The following SFTPC variants were observed in gnomAD, a reference collection of about 807,000 sequenced individuals.
SFTPC encodes surfactant protein C, also known as BRICHOS domain containing 6.
In SFTPC, 12 loss-of-function variants were observed where a neutral mutation model predicts 19.9. The ratio of observed to expected loss-of-function variants is 0.60; its 90% CI spans 0.39 to 0.98. The LOEUF is 0.98. Among genes scored for constraint, SFTPC ranks in the 50% least tolerant of loss-of-function variants. SFTPC has a pLI of 0.00. For missense variants in SFTPC, 219 were observed against 252.2 expected (o/e 0.87, Z 0.89); for synonymous variants, 123 against 103.3 (o/e 1.19, Z -1.16).
chr8:22,161,681 C>T, upstream of SFTPC: 1 of 1,603,626 alleles, frequency 6.2e-7, no homozygotes, highest in Non-Finnish European at 8.5e-7. Flanking sequence ...TTCTGGAGGG[C>T]CAGGAACAAA....
upstream of SFTPC, among the ~76,000 whole-genome samples, chr8:22,161,409 G>C (rs972452169): frequency 6.6e-6 from 1 of 152,296 alleles, no homozygotes; most frequent in Non-Finnish European, 1.5e-5. Context: ...TAGAAATTCT[G>C]CTGGGAAATA....
upstream of SFTPC, chr8:22,159,873 T>A (rs776539836): frequency 7.9e-7 from 1 of 1,269,050 alleles, no homozygotes; most frequent in South Asian, 1.2e-5. Context: ...AGCCGATCAA[T>A]CCCAATGTTG....
intron 2 of SFTPC, 81 bp from the exon 3 acceptor site, chr8:22,162,999 A>G: frequency 1.4e-5 from 22 of 1,587,960 alleles, no homozygotes; most frequent in Non-Finnish European, 1.9e-5. Flanking sequence ...GCATTTGAGT[A>G]CAGAGGCCTG....
At chr8:22,160,759 G>C (rs1295008880), upstream of SFTPC, among the ~76,000 whole-genome samples, 1 of 152,196 alleles carries the variant, frequency 6.6e-6, no homozygotes, top group African/African-American at 2.4e-5. Context: ...TGAGAGAAAG[G>C]GTGAGCCAGC....
chr8:22,159,917 G>A (rs1228262410), upstream of SFTPC: 3 of 1,065,420 alleles, frequency 2.8e-6, no homozygotes, highest in Non-Finnish European at 3.8e-6. Context: ...AGGGCCCTGG[G>A]GGAGGGCAGG....
At chr8:22,159,281 T>C (rs1158708007), upstream of SFTPC, among the ~76,000 whole-genome samples, 1 of 152,214 alleles carries the variant, frequency 6.6e-6, no homozygotes, top group Non-Finnish European at 1.5e-5. Context: ...AGTGAGACCC[T>C]GTCTCTAAAT....
upstream of SFTPC, chr8:22,159,419 G>A: frequency 3.4e-6 from 1 of 298,454 alleles, no homozygotes; most frequent in South Asian, 2.7e-5. Flanking sequence ...GCTGGTAGGG[G>A]GAGGGGGAAA....
chr8:22,164,138 G>T, intron 5 of SFTPC, 79 bp downstream of exon 5: 1 of 1,581,204 alleles, frequency 6.3e-7, no homozygotes, highest in South Asian at 1.1e-5. Flanking sequence ...CGCTCGCGCT[G>T]ACCAGGCGCT....
chr8:22,164,062 G>A lies in SFTPC; in HGVS notation c.*18+3G>A, dbSNP rs1827921071. 1 of 1,611,710 alleles carries A rather than the reference G, an allele frequency of 6.2e-7. No individual in the cohort carries two copies. The highest frequency in any genetic ancestry group is 8.5e-7 in the Non-Finnish European group (1 of 1,179,984). Reference sequence around the variant, plus strand: ...TCTAGGACGCCTCCGGTGAGCAGGTGTGATCCCAGGGCCCCTGATCAGCAG... The same window carrying A: ...TCTAGGACGCCTCCGGTGAGCAGGTATGATCCCAGGGCCCCTGATCAGCAG... On this transcript the variant is annotated splice_donor_region_variant and intron_variant, in intron 5 of 5. Coordinates refer to ENST00000679463, the MANE Select transcript of SFTPC (RefSeq NM_001317778.2).
rs12229 is a variant in SFTPC at position 22,164,057 on chromosome 8, C to G, written c.*16C>G. ...CTACATCTAGGACGCCTCCGGTGAG[C>G]AGGTGTGATCCCAGGGCCCCTGATC... On this transcript the variant is annotated splice_region_variant and 3_prime_UTR_variant, in exon 5 of 6. Transcript: ENST00000679463. 43 of 1,611,630 alleles carry G rather than the reference C, an allele frequency of 2.7e-5. No homozygotes were observed. The highest frequency in any genetic ancestry group is 3.6e-5 in the Non-Finnish European group (43 of 1,180,006).
In SFTPC at chr8:22,163,087, A is replaced by G; in HGVS notation, c.209A>G (p.Glu70Gly). 1 of 1,614,126 alleles carries G rather than the reference A, an allele frequency of 6.2e-7. No individual in the cohort carries two copies. The highest frequency in any genetic ancestry group is 8.5e-7 in the Non-Finnish European group (1 of 1,180,006). ...TCCATGCCCTTTCCCCAGGTTCTGG[A>G]GATGAGCATTGGGGCGCCGGAAGCC... Reference protein sequence around the residue: ...MSQKHTEMVLEMSIGAPEAQQ... With the variant: ...MSQKHTEMVLGMSIGAPEAQQ... Residue 70 changes from glutamate to glycine, a missense_variant, in exon 3 of 6, where the codon GAG (glutamate) becomes GGG (glycine). Coordinates refer to ENST00000679463, the MANE Select transcript of SFTPC (RefSeq NM_001317778.2).
rs1178465970 is a variant in SFTPC, at chr8:22,162,636, C to T, written c.105C>T (p.Arg35=). The T allele has an allele frequency of 6.2e-7, 1 of 1,614,108 alleles. No homozygotes were observed. The highest frequency in any genetic ancestry group is 2.2e-5 in the East Asian group (1 of 44,900). ...GIPCCPVHLK[R]LLIVVVVVVL... is the part of the protein sequence containing the mutation. Reference sequence around the variant, plus strand: ...CCTGCTGCCCAGTGCACCTGAAACGCCTTCTTATCGTGGTGGTGGTGGTGG... The same window carrying T: ...CCTGCTGCCCAGTGCACCTGAAACGTCTTCTTATCGTGGTGGTGGTGGTGG... Residue 35 remains arginine, a synonymous_variant, in exon 2 of 6, where the codon CGC becomes CGT. Transcript: ENST00000679463.
chr8:22,164,295 A>C lies in SFTPC; in HGVS notation c.*48A>C. The C allele has an allele frequency of 6.5e-7, 1 of 1,536,192 alleles. No individual in the cohort carries two copies. Among genetic ancestry groups the C allele is most frequent in the Non-Finnish European group, 8.7e-7 (1 of 1,146,918 alleles). On this transcript the variant is annotated 3_prime_UTR_variant, in exon 6 of 6. Transcript: ENST00000679463. ...AGTGGAAGCCCCAACGGGAAAGGAAACGCCCCGGGCAAAGGGTCTTTTGCA... is the reference window on the plus strand; with the variant it reads ...AGTGGAAGCCCCAACGGGAAAGGAACCGCCCCGGGCAAAGGGTCTTTTGCA...
upstream of SFTPC, chr8:22,159,888 G>A (rs1218543396): frequency 6.2e-6 from 7 of 1,138,128 alleles, no homozygotes; most frequent in African/African-American, 6.3e-5. Context: ...ATGTTGCCAG[G>A]ATGATGGGGG....
rs1392942992 is a variant in SFTPC at position 22,162,752 on chromosome 8, C to G, written c.201+20C>G. 6.2e-7 allele frequency: 1 copy of G among 1,613,796 alleles called. No homozygotes were observed. Among genetic ancestry groups the G allele is most frequent in the Non-Finnish European group, 8.5e-7 (1 of 1,179,876 alleles). On this transcript the variant is annotated intron_variant, in intron 2 of 5. Transcript: ENST00000679463. ...GAGATGGTGAGAGGTGTGGGATGCA[C>G]AGCAGTGGGCACAGGACATGCCAGA...
rs934921398 is a variant in SFTPC, at chr8:22,162,643, A to G, written c.112A>G (p.Ile38Val). Reference protein sequence around the residue: ...CCPVHLKRLLIVVVVVVLIVV... With the variant: ...CCPVHLKRLLVVVVVVVLIVV... ...CCCAGTGCACCTGAAACGCCTTCTT[A>G]TCGTGGTGGTGGTGGTGGTCCTCAT... Residue 38 changes from isoleucine to valine, a missense_variant, in exon 2 of 6, where the codon ATC becomes GTC. By Grantham distance (29) the Ile-to-Val change is conservative. Coordinates refer to ENST00000679463, the MANE Select transcript of SFTPC (RefSeq NM_001317778.2). 2 of 1,613,894 alleles carry G rather than the reference A, an allele frequency of 1.2e-6. No homozygotes were observed. The highest frequency in any genetic ancestry group is 2.2e-5 in the East Asian group (1 of 44,870).
intron 1 of SFTPC, 142 bp downstream of exon 1, chr8:22,162,012 G>C: frequency 1.1e-6 from 1 of 911,258 alleles, no homozygotes; most frequent in South Asian, 1.4e-5. Flanking sequence ...GTCAGGATGG[G>C]GACACCAAGA....
chr8:22,161,346 G>C (rs1827709362), upstream of SFTPC, among the ~76,000 whole-genome samples: 1 of 152,200 alleles, frequency 6.6e-6, no homozygotes, highest in African/African-American at 2.4e-5. Context: ...TCCTCTCAGA[G>C]TCTACAGGTG....
upstream of SFTPC, chr8:22,157,822 A>G (rs746453123): frequency 1.2e-4 from 19 of 152,228 alleles, no homozygotes; most frequent in East Asian, 7.7e-4. Context: ...TTTGCTTTGT[A>G]AAATCGTTTT....
Sources: allele counts gnomAD v4.1 joint callset (sites outside exome capture counted in the v4.1 genomes callset), GRCh38; gene constraint gnomAD v4.1.1; transcripts MANE v1.5; gene names NCBI Gene and HGNC (gene_info 2026-07-23, HGNC 2026-07-21).